FLT1: variants seen among roughly 807,000 people sequenced by gnomAD.
The protein encoded by FLT1 is fms related receptor tyrosine kinase 1, also known as vascular endothelial growth factor receptor 1.
A neutral mutation model predicts 156.3 loss-of-function variants in FLT1; 49 were observed. The ratio of observed to expected loss-of-function variants is 0.31; its 90% CI spans 0.25 to 0.40. FLT1 has a LOEUF of 0.40. FLT1 is among the 10% of genes least tolerant of loss of function. The probability of loss-of-function intolerance (pLI) is 1.00; values close to 1 mark genes in which losing one functional copy is unlikely to be tolerated. For synonymous variants in FLT1, 594 were observed against 583.8 expected, an observed-to-expected ratio of 1.02 and a Z score of -0.25; for missense variants, 1,322 against 1,637.2, an observed-to-expected ratio of 0.81 and a Z score of 3.32.
chr13:28,405,754 C>T, intron 11 of FLT1, 26 bp downstream of exon 11: 1 of 1,169,304 alleles, frequency 8.6e-7, no homozygotes, highest in Non-Finnish European at 1.3e-6. Context: ...AATAAATATC[C>T]CAGTGCGCAT....
intron 14 of FLT1, among the ~76,000 whole-genome samples, chr13:28,359,970 G>A (rs536808048): frequency 5.3e-5 from 8 of 152,278 alleles, no homozygotes; most frequent in Admixed American, 2.0e-4. Flanking sequence ...AATTAGCGGG[G>A]TGTGGTGGCG....
At chr13:28,413,559 T>C (rs946990800) in intron 10 of FLT1, among the ~76,000 whole-genome samples, 1 of 152,138 alleles carries the variant, frequency 6.6e-6, no homozygotes, top group Non-Finnish European at 1.5e-5. Context: ...CTTTTCTTCT[T>C]AGTGAAGGAC....
intron 1 of FLT1, among the ~76,000 whole-genome samples, chr13:28,470,970 C>T (rs759127634): frequency 7.2e-5 from 11 of 152,164 alleles, no homozygotes; most frequent in Non-Finnish European, 1.5e-4. Context: ...GGATTACAGA[C>T]GTGAGCCACC....
At chr13:28,469,726 G>T (rs902523293) in intron 1 of FLT1, among the ~76,000 whole-genome samples, 56 of 152,264 alleles carry the variant, frequency 3.7e-4, no homozygotes, top group African/African-American at 1.3e-3. Flanking sequence ...TATTGCTGAT[G>T]ATATAAATTA....
intron 11 of FLT1, among the ~76,000 whole-genome samples, chr13:28,402,577 T>TAC (rs1279253086): frequency 1.3e-5 from 2 of 151,952 alleles, no homozygotes; most frequent in African/African-American, 4.8e-5. Context: ...AATATATCTA[T>TAC]ATATATAGAG....
At chr13:28,386,883 G>A (rs993872156) in intron 13 of FLT1, 8 of 1,047,502 alleles carry the variant, frequency 7.6e-6, no homozygotes, top group Non-Finnish European at 9.2e-6. Context: ...ACTTTTAATA[G>A]CTTCCTCAGC....
Position 28,468,686 on chromosome 13 carries a change from T to C in FLT1, c.65-1069A>G, listed in dbSNP as rs568860818. On this transcript the variant is annotated intron_variant, in intron 1 of 29. Transcript: ENST00000282397. ...TTAGATCTGATTATCTGAAAGTGTGTGGCACCTCCCCCCTTCTCTTGTTCC... is the reference window on the plus strand; with the variant it reads ...TTAGATCTGATTATCTGAAAGTGTGCGGCACCTCCCCCCTTCTCTTGTTCC... 3.9e-5 allele frequency among the ~76,000 whole-genome samples: 6 copies of C among 152,134 alleles called. No homozygotes were observed. In the East Asian group the frequency reaches 9.7e-4, roughly 24 times the overall value.
At chr13:28,463,271 G>A (rs946063415) in intron 3 of FLT1, among the ~76,000 whole-genome samples, 2 of 152,168 alleles carry the variant, frequency 1.3e-5, no homozygotes, top group African/African-American at 4.8e-5. Context: ...ATAAAGTGCT[G>A]ATATTGATTT....
chr13:28,426,314 A>G lies in FLT1; in HGVS notation c.1436+845T>C, dbSNP rs539758558. Reference sequence around the variant, plus strand: ...GCTCCCATAAACTATCCTTAGTATCATCCCTCTAGACTAAACAAAAAGAGG... The same window carrying G: ...GCTCCCATAAACTATCCTTAGTATCGTCCCTCTAGACTAAACAAAAAGAGG... On this transcript the variant is annotated intron_variant, in intron 10 of 29. Transcript: ENST00000282397. Among the ~76,000 whole-genome samples the G allele has an allele frequency of 8.5e-5, 13 of 152,264 alleles. No individual in the cohort carries two copies. In the South Asian group the frequency reaches 2.1e-3, roughly 24 times the overall value.
chr13:28,433,216 C>G (rs1877802227), intron 6 of FLT1, among the ~76,000 whole-genome samples: 1 of 152,182 alleles, frequency 6.6e-6, no homozygotes. Context: ...CCCATCTATA[C>G]ATTTTTAAAA....
chr13:28,349,991 T>C (rs1270494912), intron 15 of FLT1, among the ~76,000 whole-genome samples: 1 of 152,236 alleles, frequency 6.6e-6, no homozygotes, highest in Non-Finnish European at 1.5e-5. Context: ...GTTAGGACAG[T>C]CTTATGCTGG....
intron 18 of FLT1, among the ~76,000 whole-genome samples, chr13:28,331,012 T>C (rs1257650495): frequency 6.6e-6 from 1 of 152,200 alleles, no homozygotes; most frequent in Non-Finnish European, 1.5e-5. Context: ...ACGTTAATGG[T>C]GGCCAGTGTG....
intron 12 of FLT1, chr13:28,396,759 G>C: frequency 1.5e-6 from 1 of 680,286 alleles, no homozygotes; most frequent in Non-Finnish European, 2.7e-6. Flanking sequence ...AACTCTAAAA[G>C]AGAATACAGG....
At chr13:28,424,775 C>A (rs1877244551) in intron 10 of FLT1, among the ~76,000 whole-genome samples, 2 of 152,206 alleles carry the variant, frequency 1.3e-5, no homozygotes, top group African/African-American at 4.8e-5. Flanking sequence ...GTCACCCAAT[C>A]TCTTTTGATG....
chr13:28,332,699 T>C (rs1871977648), intron 18 of FLT1, among the ~76,000 whole-genome samples: 1 of 152,220 alleles, frequency 6.6e-6, no homozygotes, highest in African/African-American at 2.4e-5. Context: ...TTGCAGAGGC[T>C]ATTTAACCTT....
intron 10 of FLT1, among the ~76,000 whole-genome samples, chr13:28,410,539 T>C (rs1876100563): frequency 6.6e-6 from 1 of 152,226 alleles, no homozygotes; most frequent in African/African-American, 2.4e-5. Flanking sequence ...TTCTAGAAGG[T>C]CTGCTCTACA....
chr13:28,492,745 C>T (rs1310468432), intron 1 of FLT1, among the ~76,000 whole-genome samples: 2 of 152,128 alleles, frequency 1.3e-5, no homozygotes, highest in Non-Finnish European at 2.9e-5. Flanking sequence ...GCATGAAAGC[C>T]CTGATGCGGT....
rs773141825 is a variant in FLT1, at chr13:28,466,997, T to C, written c.294A>G (p.Gln98=). The C allele has an allele frequency of 3.7e-6, 6 of 1,614,066 alleles. No individual in the cohort carries two copies. The highest frequency in any genetic ancestry group is 4.5e-5 in the East Asian group (2 of 44,902). ...AGCTGTAGAAGCCAGTGTGGTTTGC[T>C]TGAGCTGTGTTCAAGGTTAAAGTAC... The part of the protein sequence containing the change: ...FCSTLTLNTA[Q]ANHTGFYSCK... Residue 98 remains glutamine (Q), a synonymous_variant, in exon 3 of 30, where the codon CAA becomes CAG. Coordinates refer to ENST00000282397, the MANE Select transcript of FLT1 (RefSeq NM_002019.4).
rs188659064 is a variant in FLT1, at chr13:28,460,589, A to G, written c.388+6314T>C. 5.3e-5 allele frequency among the ~76,000 whole-genome samples: 8 copies of G among 152,126 alleles called. 1 individual carries two copies. In the East Asian group the frequency reaches 1.6e-3, roughly 30 times the overall value. ...AAAAGCAGTGGACCCAAATCAGCTA[A>G]AGGAGAGGGCTTCTTTCCACTGCCA... On this transcript the variant is annotated intron_variant, in intron 3 of 29. Transcript: ENST00000282397.
Sources: allele counts gnomAD v4.1 joint callset (sites outside exome capture counted in the v4.1 genomes callset), GRCh38; gene constraint gnomAD v4.1.1; transcripts MANE v1.5; gene names NCBI Gene and HGNC (gene_info 2026-07-23, HGNC 2026-07-21).